The following OSBPL10 variants were observed in gnomAD, a reference collection of about 807,000 sequenced individuals.
OSBPL10 encodes the protein oxysterol binding protein like 10.
Under a neutral mutation model 81.7 loss-of-function variants are expected in OSBPL10, and 49 were observed. The ratio of observed to expected loss-of-function variants is 0.60; its 90% confidence interval spans 0.48 to 0.76. The LOEUF (loss-of-function observed/expected upper bound fraction) is 0.76, where lower values mean the gene tolerates loss of function less well. OSBPL10 is among the 30% of genes least tolerant of loss of function. The pLI, the probability that OSBPL10 is intolerant of heterozygous loss-of-function variation, is 0.00. For synonymous variants in OSBPL10, 419 were observed against 383.6 expected (o/e 1.09, Z -1.08); for missense variants, 923 against 987.8 (o/e 0.93, Z 0.88).
At chr3:32,074,611 C>A (rs1488771533) in intron 1 of OSBPL10, among the ~76,000 whole-genome samples, 1 of 152,158 alleles carries the variant, frequency 6.6e-6, no homozygotes, top group Non-Finnish European at 1.5e-5. Context: ...TCTGAATCTC[C>A]TCCTAGCCCC....
At chr3:31,890,209 C>A (rs1176708887) in intron 1 of OSBPL10, among the ~76,000 whole-genome samples, 1 of 150,270 alleles carries the variant, frequency 6.7e-6, no homozygotes, top group East Asian at 1.9e-4. Context: ...CCAAGCATTT[C>A]TCTCAATCAT....
chr3:31,747,151 A>G (rs1179657090), intron 5 of OSBPL10, among the ~76,000 whole-genome samples: 1 of 152,072 alleles, frequency 6.6e-6, no homozygotes, highest in Non-Finnish European at 1.5e-5. Context: ...CCTGACTAAC[A>G]TGGTGAAACC....
chr3:31,869,665 G>A (rs1302121870), intron 3 of OSBPL10, among the ~76,000 whole-genome samples: 1 of 152,172 alleles, frequency 6.6e-6, no homozygotes, highest in Non-Finnish European at 1.5e-5. Context: ...ACTAGGATGG[G>A]AGATGGAAAG....
intron 4 of OSBPL10, among the ~76,000 whole-genome samples, chr3:31,796,873 C>A (rs1411411006): frequency 6.6e-6 from 1 of 152,102 alleles, no homozygotes; most frequent in Non-Finnish European, 1.5e-5. Flanking sequence ...GTAATAGACA[C>A]CTTTCCTCCC....
At chr3:31,684,905 T>C (rs1255541608) in intron 7 of OSBPL10, among the ~76,000 whole-genome samples, 1 of 152,156 alleles carries the variant, frequency 6.6e-6, no homozygotes, top group East Asian at 1.9e-4. Flanking sequence ...GGTTTGTTAT[T>C]GGCACCATGA....
chr3:31,854,562 T>A (rs2125583351), intron 3 of OSBPL10, among the ~76,000 whole-genome samples: 2 of 152,304 alleles, frequency 1.3e-5, no homozygotes, highest in South Asian at 2.1e-4. Context: ...TATATATAAT[T>A]TTACAGTTTT....
intron 1 of OSBPL10, among the ~76,000 whole-genome samples, chr3:31,916,920 G>A (rs58192874): frequency 0.16 from 24,002 of 152,062 alleles, 2,313 homozygotes; most frequent in African/African-American, 0.24. Context: ...ATTGTAAGCC[G>A]GGACTCCTAT....
intron 2 of OSBPL10, among the ~76,000 whole-genome samples, chr3:32,028,876 A>T (rs1000880352): frequency 1.6e-4 from 24 of 149,826 alleles, no homozygotes; most frequent in Admixed American, 1.0e-3. Context: ...AATCTCTAAG[A>T]TTATTTCAAA....
intron 4 of OSBPL10, among the ~76,000 whole-genome samples, chr3:31,815,379 C>T (rs749385135): frequency 1.3e-5 from 2 of 152,220 alleles, no homozygotes; most frequent in Non-Finnish European, 2.9e-5. Context: ...TTTTGTTTTA[C>T]AGCAATAGAT....
intron 1 of OSBPL10, among the ~76,000 whole-genome samples, chr3:31,931,451 A>G (rs1697247399): frequency 1.3e-5 from 2 of 152,104 alleles, no homozygotes; most frequent in Admixed American, 1.3e-4. Flanking sequence ...ACCCATTAAG[A>G]ATGCACCTAT....
At chr3:31,708,072 T>C (rs1696129658) in intron 6 of OSBPL10, among the ~76,000 whole-genome samples, 1 of 152,052 alleles carries the variant, frequency 6.6e-6, no homozygotes, top group Non-Finnish European at 1.5e-5. Context: ...AATTACTGAA[T>C]CCATTTTTCA....
intron 3 of OSBPL10, among the ~76,000 whole-genome samples, chr3:31,863,995 G>T (rs1013150772): frequency 2.0e-5 from 3 of 152,184 alleles, no homozygotes; most frequent in Non-Finnish European, 4.4e-5. Context: ...GATATTTGCT[G>T]AGTATTGAAC....
chr3:31,989,314 C>T (rs1575079414), intron 2 of OSBPL10: 3 of 1,613,940 alleles, frequency 1.9e-6, no homozygotes, highest in Non-Finnish European at 2.5e-6. Context: ...ATCAACAGCG[C>T]AAGGCAATAC....
chr3:31,921,211 G>GTA (rs1696902659), intron 1 of OSBPL10, among the ~76,000 whole-genome samples: 1 of 152,136 alleles, frequency 6.6e-6, no homozygotes. Context: ...TAAAATATGT[G>GTA]TATATATACA....
At chr3:31,827,391 C>T (rs968777607) in intron 4 of OSBPL10, among the ~76,000 whole-genome samples, 6 of 152,154 alleles carry the variant, frequency 3.9e-5, no homozygotes, top group Non-Finnish European at 8.8e-5. Context: ...AATCCCAGCA[C>T]TTTGGGAGGC....
At chr3:31,703,761 AC>A (rs750019354) in intron 6 of OSBPL10, 2 of 152,062 alleles carry the variant, frequency 1.3e-5, no homozygotes, top group Admixed American at 6.6e-5. Flanking sequence ...GCTCTAAATA[AC>A]CCCAATTCTA....
intron 4 of OSBPL10, among the ~76,000 whole-genome samples, chr3:31,756,306 T>C (rs1333015539): frequency 2.6e-5 from 4 of 152,092 alleles, no homozygotes; most frequent in South Asian, 2.1e-4. Flanking sequence ...AAAACAACAA[T>C]GAGAAGGTTC....
chr3:31,971,438 C>A (rs1698565658), intron 1 of OSBPL10, among the ~76,000 whole-genome samples: 1 of 152,206 alleles, frequency 6.6e-6, no homozygotes, highest in Admixed American at 6.5e-5. Flanking sequence ...CTGCACCTGG[C>A]CCTAATGAGT....
intron 5 of OSBPL10, among the ~76,000 whole-genome samples, chr3:31,734,629 T>A (rs1264442667): frequency 2.6e-5 from 4 of 152,120 alleles, no homozygotes; most frequent in African/African-American, 9.7e-5. Flanking sequence ...TCCCAGCTAC[T>A]TGGGAAGCTG....
Sources: allele counts gnomAD v4.1 joint callset (sites outside exome capture counted in the v4.1 genomes callset), GRCh38; gene constraint gnomAD v4.1.1; transcripts MANE v1.5; gene names NCBI Gene and HGNC (gene_info 2026-07-23, HGNC 2026-07-21).